The following GFOD1 variants were observed in gnomAD, a reference collection of about 807,000 sequenced individuals.
GFOD1 encodes the protein glucose-fructose oxidoreductase domain-containing protein 1.
A neutral mutation model predicts 25.4 loss-of-function variants in GFOD1; 9 were observed. The observed-to-expected ratio is 0.35, with a 90% CI of 0.21 to 0.62. The LOEUF is 0.62. Among genes scored for constraint, GFOD1 ranks in the 20% least tolerant of loss-of-function variants. GFOD1 has a pLI of 0.72. For missense variants in GFOD1, 403 were observed against 556.9 expected (o/e 0.72, Z 2.78); for synonymous variants, 253 against 245.6 (o/e 1.03, Z -0.28).
In GFOD1 at chr6:13,430,625, T is replaced by G. The variant is rs992422677; in HGVS notation, c.253+56013A>C. Among the ~76,000 whole-genome samples the G allele has an allele frequency of 6.6e-6, 1 of 152,070 alleles. No individual in the cohort carries two copies. The highest frequency in any genetic ancestry group is 1.5e-5 in the Non-Finnish European group (1 of 68,008). ...ATAGAGACGGGCAGCTTGTGTACAA[T>G]GGGGAAGACTTAATGAAAGAAGCTC... On this transcript the variant is annotated intron_variant, in intron 1 of 1. Transcript: ENST00000379287. This position sits in a 1 kb window ranked among gnomAD's most constrained non-coding sequence, Gnocchi z 4.1.
Position 13,359,233 on chromosome 6 carries a change from G to C in GFOD1, c.*5510C>G, listed in dbSNP as rs1784911869. ...GGCGGGCATGCCTGCCGCTGAGAAA[G>C]ACATAATAACGCTCCAGCTGCACAC... On this transcript the variant is annotated 3_prime_UTR_variant, in exon 2 of 2. Coordinates refer to ENST00000379287, the MANE Select transcript of GFOD1 (RefSeq NM_018988.4). 1 of 152,258 alleles carries C rather than the reference G, an allele frequency of 6.6e-6. No individual in the cohort carries two copies. Among genetic ancestry groups the C allele is most frequent in the Non-Finnish European group, 1.5e-5 (1 of 68,072 alleles). 9.4% of individuals were successfully genotyped at this position (152,258 alleles called of 1,614,324 possible). A position where few individuals can be genotyped will look rare whatever the true frequency, so the allele number is the denominator to read the frequency against.
chr6:13,450,655 C>T (rs752401912), intron 1 of GFOD1, among the ~76,000 whole-genome samples: 14 of 152,142 alleles, frequency 9.2e-5, no homozygotes, highest in Admixed American at 1.3e-4. Flanking sequence ...TCGGTAGAAA[C>T]TCATCACCCA....
intron 1 of GFOD1, among the ~76,000 whole-genome samples, chr6:13,382,244 G>T (rs1012943021): frequency 6.6e-6 from 1 of 151,944 alleles, no homozygotes; most frequent in Non-Finnish European, 1.5e-5. Flanking sequence ...AAATCATGTT[G>T]TGATATGGTC....
intron 1 of GFOD1, among the ~76,000 whole-genome samples, chr6:13,414,368 G>A (rs519758): frequency 0.98 from 149,676 of 152,374 alleles, 73,572 homozygotes; most frequent in Middle Eastern, 1. Context: ...GGGCAGAGTC[G>A]GCCAGCGCCC....
chr6:13,440,372 G>T lies in GFOD1; in HGVS notation c.253+46266C>A, dbSNP rs1757896001. 2.6e-5 allele frequency among the ~76,000 whole-genome samples: 4 copies of T among 152,118 alleles called. No individual in the cohort carries two copies. The South Asian group carries it at 8.3e-4, about 32-fold the overall frequency. On this transcript the variant is annotated intron_variant, in intron 1 of 1. Coordinates refer to ENST00000379287, the MANE Select transcript of GFOD1 (RefSeq NM_018988.4). ...CTCAGCTAATTTTTGTATATTTTTA[G>T]TAGAGACAGGGTTTCACCATGTTGG... is the stretch of plus-strand genomic sequence containing the variant.
chr6:13,423,233 A>AGCCGAGATTGCGCCACTGCAGTCCGCAG (rs1562214486), intron 1 of GFOD1, among the ~76,000 whole-genome samples: 8 of 152,144 alleles, frequency 5.3e-5, no homozygotes, highest in African/African-American at 1.7e-4. Context: ...GAACAGTTTG[A>AGCCGAGATTGCGCCACTGCAGTCCGCAG]TTTACAATGT....
chr6:13,371,811 C>T (rs561540845), intron 1 of GFOD1, among the ~76,000 whole-genome samples: 46 of 152,246 alleles, frequency 3.0e-4, no homozygotes, highest in African/African-American at 1.1e-3. Context: ...GGACTGTGAA[C>T]CATCACGCCA....
chr6:13,461,175 C>T (rs1426361353), intron 1 of GFOD1, among the ~76,000 whole-genome samples: 1 of 152,198 alleles, frequency 6.6e-6, no homozygotes, highest in African/African-American at 2.4e-5. Flanking sequence ...TCCCTAGAAG[C>T]CCAGAATCCA....
At chr6:13,431,176 T>C (rs923265032) in intron 1 of GFOD1, among the ~76,000 whole-genome samples, 1 of 152,166 alleles carries the variant, frequency 6.6e-6, no homozygotes, top group Non-Finnish European at 1.5e-5. Context: ...TTAGTGGTGG[T>C]GGGGACTATG....
Position 13,365,583 on chromosome 6 carries a change from G to A in GFOD1, c.333C>T (p.Tyr111=). The change falls in exon 2 of 2, where the codon TAC becomes TAT. Residue 111 remains tyrosine, a synonymous_variant. Coordinates refer to ENST00000379287, the MANE Select transcript of GFOD1 (RefSeq NM_018988.4). This position sits in a 1 kb window ranked among gnomAD's most constrained non-coding sequence, Gnocchi z 9.2. The stretch of plus-strand genomic sequence containing the variant: ...TGCCCATGATGCTCATGAGCTTGGG[G>A]TAGTAGTGGGCGGCCGAGGTCATGC... ...AFRMTSAAHY[Y]PKLMSIMGNV... is the part of the protein sequence containing the mutation. 1.2e-6 allele frequency: 2 copies of A among 1,608,706 alleles called. No homozygotes were observed. Among genetic ancestry groups the A allele is most frequent in the Non-Finnish European group, 1.7e-6 (2 of 1,179,898 alleles).
intron 1 of GFOD1, among the ~76,000 whole-genome samples, chr6:13,483,037 G>C (rs576808402): frequency 6.6e-6 from 1 of 152,172 alleles, no homozygotes; most frequent in South Asian, 2.1e-4. Flanking sequence ...TCCAAAGACA[G>C]GGACTAGGGG....
intron 1 of GFOD1, among the ~76,000 whole-genome samples, chr6:13,437,087 A>C (rs949993177): frequency 1.3e-5 from 2 of 152,134 alleles, no homozygotes; most frequent in African/African-American, 4.8e-5. Flanking sequence ...AAGGTATGAG[A>C]AAAAGGGAAA....
At chr6:13,470,021 C>T (rs377544088) in intron 1 of GFOD1, 19 of 1,358,470 alleles carry the variant, frequency 1.4e-5, no homozygotes, top group African/African-American at 2.9e-5. Flanking sequence ...TTTTCTAACT[C>T]CCCATGACTG....
At chr6:13,486,246 ATCCCCCCCCCCC>A in intron 1 of GFOD1, 1 of 160,110 alleles carries the variant, frequency 6.2e-6, no homozygotes, top group Admixed American at 2.7e-4. Context: ...CCACCCCCCC[ATCCCCCCCCCCC>A]ACACACACAC....
chr6:13,374,201 C>T (rs1785205158), intron 1 of GFOD1, among the ~76,000 whole-genome samples: 1 of 151,018 alleles, frequency 6.6e-6, no homozygotes, highest in Admixed American at 6.6e-5. Context: ...GTAGTAGAGT[C>T]AAATCTGGAA....
At chr6:13,428,429 T>C (rs1308539688) in intron 1 of GFOD1, among the ~76,000 whole-genome samples, 1 of 152,196 alleles carries the variant, frequency 6.6e-6, no homozygotes, top group African/African-American at 2.4e-5. Context: ...GGGTGCCGCC[T>C]GAGGCCCTTG....
At chr6:13,412,761 C>T (rs2127566468) in intron 1 of GFOD1, among the ~76,000 whole-genome samples, 1 of 152,338 alleles carries the variant, frequency 6.6e-6, no homozygotes, top group Admixed American at 6.5e-5. Flanking sequence ...CTCAGCATGC[C>T]CTGTGCTCTG....
At position 13,474,958 on chromosome 6, in the gene GFOD1, G is replaced by A. The variant is rs1249882822; in HGVS notation, c.253+11680C>T. Among the ~76,000 whole-genome samples the A allele has an allele frequency of 3.9e-5, 6 of 152,110 alleles. No individual in the cohort carries two copies. In the East Asian group the frequency reaches 7.7e-4, roughly 20 times the overall value. ...TAATTTCTCTTGGGTTGGAGAATTC[G>A]TTCCGCTGTACTAGTTCCAAAATCA... On this transcript the variant is annotated intron_variant, in intron 1 of 1. Transcript: ENST00000379287.
chr6:13,470,092 T>C (rs778331904), intron 1 of GFOD1: 2 of 1,409,456 alleles, frequency 1.4e-6, no homozygotes, highest in Non-Finnish European at 9.5e-7. Flanking sequence ...AGATGTTGAA[T>C]TCGTTTGAAA....
Sources: allele counts gnomAD v4.1 joint callset (sites outside exome capture counted in the v4.1 genomes callset), GRCh38; gene constraint gnomAD v4.1.1; non-coding constraint Gnocchi (gnomAD v3.1); transcripts MANE v1.5; gene names NCBI Gene and HGNC (gene_info 2026-07-23, HGNC 2026-07-21).